FBXO11: variants seen among roughly 807,000 people sequenced by gnomAD.
The protein encoded by FBXO11 is F-box only protein 11.
FBXO11 carries 13 observed loss-of-function variants against 117.0 expected under a neutral mutation model. The ratio of observed to expected loss-of-function variants is 0.11; its 90% CI spans 0.07 to 0.18. FBXO11 has a LOEUF of 0.18. Ranked by LOEUF, FBXO11 falls within the 10% of genes least tolerant of loss-of-function variation. FBXO11 has a pLI of 1.00. For synonymous variants in FBXO11, 490 were observed against 380.5 expected, an observed-to-expected ratio of 1.29 and a Z score of -3.35; for missense variants, 767 against 1,164.4, an observed-to-expected ratio of 0.66 and a Z score of 4.97.
chr2:47,807,848 T>C lies in FBXO11; in HGVS notation c.*270A>G, dbSNP rs3136371. On this transcript the variant is annotated 3_prime_UTR_variant, in exon 23 of 23. Coordinates refer to ENST00000403359, the MANE Select transcript of FBXO11 (RefSeq NM_001190274.2). ...AAAACACCAGCTTTTCAGAAGTTGG[T>C]ATCTGTACAAAATTGCAGCTTATTT... 3.5e-3 allele frequency: 1,108 copies of C among 318,108 alleles called. 6 individuals carry two copies. Among genetic ancestry groups the C allele is most frequent in the African/African-American group, 0.022 (1,038 of 47,824 alleles). The allele number at this position is 318,108 out of a possible 1,614,324, so 19.7% of individuals were successfully genotyped here.
chr2:47,905,793 G>GA lies in FBXO11; in HGVS notation c.-74dup, dbSNP rs1474098032. 2 of 1,101,232 alleles carry GA rather than the reference G, an allele frequency of 1.8e-6. No homozygotes were observed. The highest frequency in any genetic ancestry group is 3.5e-5 in the African/African-American group (2 of 56,872). 68.2% of individuals were successfully genotyped at this position (1,101,232 alleles called of 1,614,324 possible). ...ACGCACAGCGAGCTTCGGGGCAGGA[G>GA]AAAGGGGTGGGGAGAGTGGGAGAGG... On this transcript the variant is annotated 5_prime_UTR_variant, in exon 1 of 23. Coordinates refer to ENST00000403359, the MANE Select transcript of FBXO11 (RefSeq NM_001190274.2).
chr2:47,870,853 A>G (rs1675570279), intron 1 of FBXO11, among the ~76,000 whole-genome samples: 1 of 152,244 alleles, frequency 6.6e-6, no homozygotes, highest in African/African-American at 2.4e-5. Context: ...TAATATGGCA[A>G]TGAATACCCA....
intron 1 of FBXO11, among the ~76,000 whole-genome samples, chr2:47,848,177 T>C (rs535465441): frequency 6.6e-6 from 1 of 151,368 alleles, no homozygotes; most frequent in African/African-American, 2.4e-5. Flanking sequence ...CACATATATA[T>C]CTTTCACTAA....
At chr2:47,882,550 A>G (rs572452593) in intron 1 of FBXO11, among the ~76,000 whole-genome samples, 1 of 152,356 alleles carries the variant, frequency 6.6e-6, no homozygotes, top group South Asian at 2.1e-4. Context: ...TAAAACTTAA[A>G]AAAATAAAAT....
chr2:47,815,907 A>G (rs1670972488), intron 16 of FBXO11, among the ~76,000 whole-genome samples: 1 of 152,200 alleles, frequency 6.6e-6, no homozygotes, highest in Non-Finnish European at 1.5e-5. Context: ...TGGCGCACTT[A>G]GTCAAGCCTC....
At chr2:47,813,008 A>T in intron 18 of FBXO11, 1 of 531,238 alleles carries the variant, frequency 1.9e-6, no homozygotes, top group Non-Finnish European at 3.4e-6. Flanking sequence ...ATCTTTAAAA[A>T]GGCTTACTGA....
In FBXO11 at chr2:47,905,824, G is replaced by A. The variant is rs1572944184; in HGVS notation, c.-104C>T. On this transcript the variant is annotated 5_prime_UTR_variant, in exon 1 of 23. Coordinates refer to ENST00000403359, the MANE Select transcript of FBXO11 (RefSeq NM_001190274.2). ...GGTGGGGAGAGTGGGAGAGGGGGGA[G>A]GAAGGAGAGGGGGCGAGGGGAAGGG... The A allele has an allele frequency of 3.7e-6, 2 of 544,626 alleles. No individual in the cohort carries two copies. The highest frequency in any genetic ancestry group is 1.9e-5 in the South Asian group (1 of 52,282). 33.7% of individuals were successfully genotyped at this position (544,626 alleles called of 1,614,324 possible).
chr2:47,853,496 G>T (rs1250543523), intron 1 of FBXO11, among the ~76,000 whole-genome samples: 4 of 151,924 alleles, frequency 2.6e-5, no homozygotes, highest in African/African-American at 9.7e-5. Flanking sequence ...TTTTAGTATT[G>T]TAAATAGTAG....
At chr2:47,878,083 G>A (rs1173615778) in intron 1 of FBXO11, among the ~76,000 whole-genome samples, 1 of 152,182 alleles carries the variant, frequency 6.6e-6, no homozygotes. Flanking sequence ...GGCTGTCACT[G>A]CTTCCTTCCA....
chr2:47,852,181 G>A (rs1044778010), intron 1 of FBXO11, among the ~76,000 whole-genome samples: 2 of 151,930 alleles, frequency 1.3e-5, no homozygotes, highest in Non-Finnish European at 2.9e-5. Flanking sequence ...GTAGAGACGG[G>A]GTTTCGCCAT....
chr2:47,832,906 A>G, intron 8 of FBXO11, 26 bp from the exon 9 acceptor site: 1 of 1,608,692 alleles, frequency 6.2e-7, no homozygotes, highest in Non-Finnish European at 8.5e-7. Flanking sequence ...TTTGTTTGAA[A>G]TAAACAATTA....
intron 20 of FBXO11, 71 bp from the exon 21 acceptor site, chr2:47,809,337 T>G: frequency 1.0e-6 from 1 of 1,000,972 alleles, no homozygotes; most frequent in Non-Finnish European, 1.5e-6. Flanking sequence ...GATTATAGGA[T>G]TATTCTAACA....
intron 16 of FBXO11, among the ~76,000 whole-genome samples, chr2:47,814,892 G>A (rs1670901532): frequency 6.6e-6 from 1 of 152,082 alleles, no homozygotes; most frequent in Admixed American, 6.5e-5. Context: ...TTTCAACTAT[G>A]TTCACAGCAT....
chr2:47,840,053 C>G (rs539329209), intron 1 of FBXO11, among the ~76,000 whole-genome samples: 1 of 152,038 alleles, frequency 6.6e-6, no homozygotes, highest in African/African-American at 2.4e-5. Context: ...ACGCCTTTCT[C>G]CTGCCTCAGC....
Position 47,905,598 on chromosome 2 carries a change from G to GGGC in FBXO11, c.120_122dup (p.Pro41dup). 4 of 1,294,198 alleles carry GGGC rather than the reference G, an allele frequency of 3.1e-6. No individual in the cohort carries two copies. The highest frequency in any genetic ancestry group is 3.9e-6 in the Non-Finnish European group (4 of 1,021,318). 80.2% of individuals were successfully genotyped at this position (1,294,198 alleles called of 1,614,324 possible). A position where few individuals can be genotyped will look rare whatever the true frequency, so the allele number is the denominator to read the frequency against. On this transcript the variant is annotated inframe_insertion, in exon 1 of 23. Transcript: ENST00000403359. ...GCGGCGGCGGCGGAGGCTGCTGCTG[G>GGGC]GGCGGCTGCTGCTGGGGCGGCTGCG...
intron 16 of FBXO11, among the ~76,000 whole-genome samples, chr2:47,818,198 T>C (rs1671142256): frequency 6.6e-6 from 1 of 152,020 alleles, no homozygotes; most frequent in South Asian, 2.1e-4. Flanking sequence ...AGACAGGAAG[T>C]GAGCACATGC....
Position 47,888,390 on chromosome 2 carries a change from T to A in FBXO11, c.232+17099A>T, listed in dbSNP as rs542790484. On this transcript the variant is annotated intron_variant, in intron 1 of 22. Transcript: ENST00000403359. Reference sequence around the variant, plus strand: ...AACATTCTATAATACCATTCCTGACTAATTTACCATCTCCAAGATAATTTT... The same window carrying A: ...AACATTCTATAATACCATTCCTGACAAATTTACCATCTCCAAGATAATTTT... Among the ~76,000 whole-genome samples the A allele has an allele frequency of 7.9e-5, 12 of 152,330 alleles. No individual in the cohort carries two copies. In the South Asian group the frequency reaches 2.3e-3, roughly 29 times the overall value.
intron 1 of FBXO11, among the ~76,000 whole-genome samples, chr2:47,840,406 G>C (rs976310554): frequency 6.6e-6 from 1 of 151,610 alleles, no homozygotes; most frequent in African/African-American, 2.4e-5. Flanking sequence ...TGAGATACCA[G>C]GTAGGTTAAA....
chr2:47,873,683 G>A (rs1462632095), intron 1 of FBXO11, among the ~76,000 whole-genome samples: 2 of 152,138 alleles, frequency 1.3e-5, no homozygotes, highest in Non-Finnish European at 2.9e-5. Context: ...GGTACACTAA[G>A]TTGCTACCCA....
Sources: gnomAD v4.1 joint callset for allele counts (sites outside exome capture counted in the v4.1 genomes callset) on GRCh38, gnomAD v4.1.1 for gene constraint, MANE v1.5 for transcripts, NCBI Gene and HGNC (gene_info 2026-07-23, HGNC 2026-07-21) for gene names.